Variants in PRKCA observed in about 807,000 individuals in gnomAD.
PRKCA encodes protein kinase C alpha, also known as protein kinase C alpha type.
PRKCA carries 27 observed loss-of-function variants against 87.0 expected under a neutral mutation model. The ratio of observed to expected loss-of-function variants is 0.31; its 90% CI spans 0.23 to 0.43. PRKCA has a LOEUF of 0.43. Among genes scored for constraint, PRKCA ranks in the 20% least tolerant of loss-of-function variants. The probability of loss-of-function intolerance (pLI) is 1.00; values close to 1 mark genes in which losing one functional copy is unlikely to be tolerated. For synonymous variants in PRKCA, 329 were observed against 311.1 expected (o/e 1.06, Z -0.61); for missense variants, 518 against 852.3 (o/e 0.61, Z 4.88).
intron 2 of PRKCA, chr17:66,416,212 A>C (rs552878816): frequency 1.3e-5 from 2 of 152,260 alleles, no homozygotes; most frequent in Non-Finnish European, 2.9e-5. Flanking sequence ...GCTGGTGTCT[A>C]TCACACAGGC....
At chr17:66,574,090 C>T (rs1281602488) in intron 3 of PRKCA, among the ~76,000 whole-genome samples, 1 of 152,202 alleles carries the variant, frequency 6.6e-6, no homozygotes, top group Admixed American at 6.5e-5. Flanking sequence ...CCAAAAATGG[C>T]AGTCTTTTTC....
At chr17:66,656,268 G>A (rs1016049826) in intron 5 of PRKCA, among the ~76,000 whole-genome samples, 3 of 152,072 alleles carry the variant, frequency 2.0e-5, no homozygotes, top group African/African-American at 7.2e-5. Flanking sequence ...TTCTTTATAG[G>A]GTCATCAGTC....
chr17:66,495,525 G>GCATTT (rs1916431101), intron 2 of PRKCA, among the ~76,000 whole-genome samples: 1 of 137,262 alleles, frequency 7.3e-6, no homozygotes, highest in African/African-American at 2.9e-5. Context: ...ATGGTGCAAA[G>GCATTT]TATTTTATTT....
At position 66,803,807 on chromosome 17, in the gene PRKCA, C is replaced by A. The variant is rs1163523133; in HGVS notation, c.1855-66C>A. 7 of 1,578,140 alleles carry A rather than the reference C, an allele frequency of 4.4e-6. No individual in the cohort carries two copies. Among genetic ancestry groups the A allele is most frequent in the Admixed American group, 1.7e-5 (1 of 58,742 alleles). ...GCCGTGCCCCTCCCCAGAGAGGGCC[C>A]TCGGAGAGCTGCTCCCGCATTGTCA... On this transcript the variant is annotated intron_variant, in intron 16 of 16. Coordinates refer to ENST00000413366, the MANE Select transcript of PRKCA (RefSeq NM_002737.3). The surrounding 1 kb of genome is among the most constrained non-coding windows in gnomAD (Gnocchi z 4.4).
In PRKCA at chr17:66,803,433, C is replaced by T. The variant is rs1233292855; in HGVS notation, c.1855-440C>T. On this transcript the variant is annotated intron_variant, in intron 16 of 16. Transcript: ENST00000413366. This position sits in a 1 kb window ranked among gnomAD's most constrained non-coding sequence, Gnocchi z 4.4. The stretch of plus-strand genomic sequence containing the variant: ...CACTACAAATATTGCGGCAAAAAAA[C>T]AGATGTGGGGCAGTAACTCACCCCG... Among the ~76,000 whole-genome samples, 4 of 152,198 alleles carry T rather than the reference C, an allele frequency of 2.6e-5. No homozygotes were observed. The highest frequency in any genetic ancestry group is 7.2e-5 in the African/African-American group (3 of 41,450).
intron 3 of PRKCA, among the ~76,000 whole-genome samples, chr17:66,637,515 C>T (rs978953298): frequency 1.3e-5 from 2 of 152,324 alleles, no homozygotes; most frequent in African/African-American, 4.8e-5. Context: ...TAAGGCCATA[C>T]TTCAGACCGT....
intron 2 of PRKCA, among the ~76,000 whole-genome samples, chr17:66,406,585 G>GATTTTTTTTTTT (rs529714675): frequency 0.011 from 754 of 70,158 alleles, 25 homozygotes; most frequent in African/African-American, 0.034. Flanking sequence ...GCTTTTCCAG[G>GATTTTTTTTTTT]TTTTTTTTTT....
At chr17:66,628,301 G>A (rs1001973058) in intron 3 of PRKCA, among the ~76,000 whole-genome samples, 3 of 152,072 alleles carry the variant, frequency 2.0e-5, no homozygotes, top group Admixed American at 1.3e-4. Flanking sequence ...GCTCATGGTA[G>A]TGTTATTCAT....
intron 3 of PRKCA, among the ~76,000 whole-genome samples, chr17:66,554,955 C>G (rs1023488352): frequency 6.6e-6 from 1 of 151,700 alleles, no homozygotes; most frequent in South Asian, 2.1e-4. Flanking sequence ...TCTCAGCTCA[C>G]TGCAACCTCT....
At chr17:66,735,238 T>A (rs1469924418) in intron 9 of PRKCA, among the ~76,000 whole-genome samples, 2 of 152,244 alleles carry the variant, frequency 1.3e-5, no homozygotes, top group African/African-American at 2.4e-5. Flanking sequence ...GCCAAAATAG[T>A]GCCATTATGT....
At chr17:66,355,205 A>G (rs1172118380) in intron 2 of PRKCA, among the ~76,000 whole-genome samples, 1 of 152,164 alleles carries the variant, frequency 6.6e-6, no homozygotes, top group Non-Finnish European at 1.5e-5. Flanking sequence ...AAAGGGCTTC[A>G]TTAAAACTGA....
chr17:66,758,547 G>C (rs77467648), intron 13 of PRKCA, among the ~76,000 whole-genome samples: 3,107 of 152,294 alleles, frequency 0.02, 44 homozygotes, highest in East Asian at 0.051. Context: ...TTGGCAAGGT[G>C]AAGAGAATAT....
At chr17:66,517,860 G>A (rs1033372027) in intron 3 of PRKCA, among the ~76,000 whole-genome samples, 4 of 152,208 alleles carry the variant, frequency 2.6e-5, no homozygotes. Context: ...GTTTACGCAT[G>A]AAAAGTCCAC....
At chr17:66,325,388 C>T (rs1218345289) in intron 2 of PRKCA, among the ~76,000 whole-genome samples, 2 of 152,110 alleles carry the variant, frequency 1.3e-5, no homozygotes, top group South Asian at 2.1e-4. Flanking sequence ...ATTTGAGTCA[C>T]GTATTGCTTT....
chr17:66,480,995 T>C (rs767809382), intron 2 of PRKCA, among the ~76,000 whole-genome samples: 2 of 152,150 alleles, frequency 1.3e-5, no homozygotes, highest in Non-Finnish European at 2.9e-5. Context: ...TCCATAATTT[T>C]ACATAGGTGT....
rs537292524 is a variant in PRKCA, at chr17:66,417,204, C to CTT, written c.206-78986_206-78985dup. Among the ~76,000 whole-genome samples the CTT allele has an allele frequency of 5.5e-5, 8 of 144,580 alleles. No homozygotes were observed. The South Asian group carries it at 1.3e-3, about 24-fold the overall frequency. The allele number at this position is 144,580 out of a possible 152,430, so 94.9% of individuals were successfully genotyped here. ...TGTGAGCCACCGTGCCCAGCCTGGC[C>CTT]TTTTTTTTTTTTAATACAATAAAAA... On this transcript the variant is annotated intron_variant, in intron 2 of 16. Transcript: ENST00000413366.
At chr17:66,798,770 G>A (rs1186143450) in intron 16 of PRKCA, among the ~76,000 whole-genome samples, 2 of 5,720 alleles carry the variant, frequency 3.5e-4, no homozygotes, top group Non-Finnish European at 8.4e-4. Context: ...GGTGGTGGTG[G>A]TGGTGATGGT....
At chr17:66,318,994 G>A (rs533443325) in intron 2 of PRKCA, among the ~76,000 whole-genome samples, 1 of 152,038 alleles carries the variant, frequency 6.6e-6, no homozygotes, top group African/African-American at 2.4e-5. Context: ...ACAAAATTAG[G>A]CTAATTTTTA....
chr17:66,604,496 T>A (rs1970153793), intron 3 of PRKCA, among the ~76,000 whole-genome samples: 1 of 152,182 alleles, frequency 6.6e-6, no homozygotes, highest in South Asian at 2.1e-4. Context: ...GGAAACCAAG[T>A]GCTGGATGAA....
Sources: allele counts gnomAD v4.1 joint callset (sites outside exome capture counted in the v4.1 genomes callset), GRCh38; gene constraint gnomAD v4.1.1; non-coding constraint Gnocchi (gnomAD v3.1); transcripts MANE v1.5; gene names NCBI Gene and HGNC (gene_info 2026-07-23, HGNC 2026-07-21).